The following GCA variants were observed in gnomAD, a reference collection of about 807,000 sequenced individuals.
GCA encodes grancalcin, EF-hand calcium-binding protein.
GCA carries 30 observed loss-of-function variants against 32.6 expected under a neutral mutation model. The ratio of observed to expected loss-of-function variants is 0.92; its 90% CI spans 0.69 to 1.25. The LOEUF is 1.25. Ranked by LOEUF, GCA falls within the 50% of genes most tolerant of loss-of-function variation. The pLI is 0.00. For synonymous variants in GCA, 102 were observed against 84.6 expected, an observed-to-expected ratio of 1.21 and a Z score of -1.13; for missense variants, 291 against 266.8, an observed-to-expected ratio of 1.09 and a Z score of -0.63.
chr2:162,356,875 C>A lies in GCA; in HGVS notation c.424C>A (p.His142Asn). 1 of 1,609,548 alleles carries A rather than the reference C, an allele frequency of 6.2e-7. No individual in the cohort carries two copies. The highest frequency in any genetic ancestry group is 1.3e-5 in the African/African-American group (1 of 74,900). The change falls in exon 5 of 8, where the codon CAT (histidine) becomes AAT (asparagine). Residue 142 changes from histidine to asparagine, a missense_variant. His to Asn is a moderately conservative substitution (Grantham distance 68). Transcript: ENST00000437150. ...DQDGSGTVEH[H>N]ELRQAIGLMG... The stretch of plus-strand genomic sequence containing the variant: ...AGATGGAAGTGGCACAGTAGAACAT[C>A]ATGAGTTGCGTCAAGCCATTGGTCT...
At position 162,369,214 on chromosome 2, in the gene GCA, G is replaced by A. The variant is rs572650732; in HGVS notation, c.366-2092G>A. 2.0e-5 allele frequency among the ~76,000 whole-genome samples: 3 copies of A among 152,112 alleles called. No individual in the cohort carries two copies. The South Asian group carries it at 6.2e-4, about 32-fold the overall frequency. ...AACAGGGGGGATGATGGTACATTTAGGCATTAGATCTTTGGCTGGGGAAAG... is the reference window on the plus strand; with the variant it reads ...AACAGGGGGGATGATGGTACATTTAAGCATTAGATCTTTGGCTGGGGAAAG... On this transcript the variant is annotated intron_variant, in intron 4 of 4. Transcript: ENST00000414723.
intron 3 of GCA, among the ~76,000 whole-genome samples, chr2:162,355,936 G>A (rs1685245755): frequency 6.6e-6 from 1 of 151,908 alleles, no homozygotes; most frequent in Non-Finnish European, 1.5e-5. Flanking sequence ...AAACACTTCA[G>A]TGGCTTTTCA....
rs1363263154 is a variant in GCA at position 162,347,649 on chromosome 2, ACTC to A, written c.103_105del (p.Leu35del). On this transcript the variant is annotated inframe_deletion, in exon 2 of 8. Coordinates refer to ENST00000437150, the MANE Select transcript of GCA (RefSeq NM_012198.5). ...CAGTGCCAGAAACAGGCCCAGCTAT[ACTC>A]CTCGATGGATACTCTGGGCCAGCAT... is the stretch of plus-strand genomic sequence containing the variant. 7 of 1,610,414 alleles carry A rather than the reference ACTC, an allele frequency of 4.3e-6. No homozygotes were observed. In the African/African-American group the frequency reaches 9.4e-5, roughly 22 times the overall value.
chr2:162,341,870 T>C (rs1684465081), upstream of GCA, among the ~76,000 whole-genome samples: 1 of 152,198 alleles, frequency 6.6e-6, no homozygotes, highest in Non-Finnish European at 1.5e-5. Flanking sequence ...ACCTTACTTT[T>C]CACATTTGTA....
downstream of GCA, chr2:162,373,750 A>G (rs1686053006): frequency 1.2e-6 from 1 of 830,478 alleles, no homozygotes; most frequent in Non-Finnish European, 1.7e-6. Context: ...CTACCAAGAA[A>G]CAGAATTATG....
At chr2:162,372,988 T>A (rs538734146), downstream of GCA, among the ~76,000 whole-genome samples, 1 of 152,270 alleles carries the variant, frequency 6.6e-6, no homozygotes, top group East Asian at 1.9e-4. Context: ...CTGATGGCAT[T>A]TGAACCTCAG....
chr2:162,342,362 A>G (rs2105297278), upstream of GCA, among the ~76,000 whole-genome samples: 1 of 152,344 alleles, frequency 6.6e-6, no homozygotes, highest in Non-Finnish European at 1.5e-5. Context: ...GGAAGTTGGC[A>G]GAATGTGTGA....
intron 5 of GCA, 53 bp from the exon 6 acceptor site, chr2:162,358,991 G>C (rs945395706): frequency 8.8e-6 from 7 of 797,414 alleles, no homozygotes; most frequent in African/African-American, 1.8e-5. Context: ...AAGCAATCTT[G>C]CAGTGTTCTT....
chr2:162,360,900 C>G lies in GCA; in HGVS notation c.*657C>G. 1 of 1,142,112 alleles carries G rather than the reference C, an allele frequency of 8.8e-7. No individual in the cohort carries two copies. Among genetic ancestry groups the G allele is most frequent in the Non-Finnish European group, 1.1e-6 (1 of 918,690 alleles). The allele number at this position is 1,142,112 out of a possible 1,614,324, so 70.7% of individuals were successfully genotyped here. On this transcript the variant is annotated 3_prime_UTR_variant, in exon 8 of 8. Transcript: ENST00000437150. The stretch of plus-strand genomic sequence containing the variant: ...AATATGTTTTATTGTCTTCTCTAAG[C>G]AAAAAGTTCTTAATAAACATAGTAT...
intron 1 of GCA, 71 bp from the exon 2 acceptor site, chr2:162,347,507 C>A: frequency 1.0e-6 from 1 of 962,216 alleles, no homozygotes; most frequent in Non-Finnish European, 1.5e-6. Context: ...CTAATAATTT[C>A]TTTTAATCCA....
chr2:162,329,971 A>G (rs1269790548), intron 1 of GCA, among the ~76,000 whole-genome samples: 2 of 152,158 alleles, frequency 1.3e-5, no homozygotes, highest in African/African-American at 4.8e-5. Context: ...AATGGCCTCT[A>G]GCTCCATCCA....
At chr2:162,372,199 A>G (rs1685975413), downstream of GCA, 2 of 941,284 alleles carry the variant, frequency 2.1e-6, no homozygotes, top group Non-Finnish European at 3.1e-6. Context: ...TCATTAATCT[A>G]TATTTGATTA....
In GCA at chr2:162,344,155, C is replaced by T. The variant is rs1182255299; in HGVS notation, c.-94C>T. On this transcript the variant is annotated 5_prime_UTR_variant, in exon 1 of 8. Coordinates refer to ENST00000437150, the MANE Select transcript of GCA (RefSeq NM_012198.5). ...TTAGTGCGCCTTTCAGCCTCACCTG[C>T]AGCTGCGCCTCCTTGCACCTGCGCC... 2.9e-6 allele frequency: 4 copies of T among 1,357,470 alleles called. No homozygotes were observed. The highest frequency in any genetic ancestry group is 1.7e-5 in the Admixed American group (1 of 58,248). The allele number at this position is 1,357,470 out of a possible 1,614,324, so 84.1% of individuals were successfully genotyped here. A position where few individuals can be genotyped will look rare whatever the true frequency, so the allele number is the denominator to read the frequency against.
rs1685048926 is a variant in GCA at position 162,352,413 on chromosome 2, A to G, written c.262+6A>G. 1 of 1,508,350 alleles carries G rather than the reference A, an allele frequency of 6.6e-7. No homozygotes were observed. 93.4% of individuals were successfully genotyped at this position (1,508,350 alleles called of 1,614,324 possible). ...AATTAATGGAACTTACTCTCGTGAGATCTTTTTTCCCCTTTTGTTGAAATT... is the reference window on the plus strand; with the variant it reads ...AATTAATGGAACTTACTCTCGTGAGGTCTTTTTTCCCCTTTTGTTGAAATT... On this transcript the variant is annotated splice_donor_region_variant and intron_variant, in intron 3 of 7. Transcript: ENST00000437150.
Position 162,359,741 on chromosome 2 carries a change from G to A in GCA, c.627+189G>A, listed in dbSNP as rs137897070. 5.0e-4 allele frequency among the ~76,000 whole-genome samples: 75 copies of A among 150,928 alleles called. No individual in the cohort carries two copies. The East Asian group carries it at 0.012, about 24-fold the overall frequency. ...TAGGTGCCAAACAATTTGACTTCAT[G>A]TTAAATTGTAAATATGCTTTTCAAT... On this transcript the variant is annotated intron_variant, in intron 7 of 7. Transcript: ENST00000437150.
chr2:162,345,131 G>GGTGGTGGTGGTGGTGGTT lies in GCA; in HGVS notation c.27+861_27+862insGGTGGTGGTGGTTGTGGT, dbSNP rs146219747. ...TGGTGGTGGTGGTGGTGGTGGTGGT[G>GGTGGTGGTGGTGGTGGTT]GTGGTTGTGGTTGTGGTTGTTGTTG... On this transcript the variant is annotated intron_variant, in intron 1 of 7. Transcript: ENST00000437150. Among the ~76,000 whole-genome samples the GGTGGTGGTGGTGGTGGTT allele has an allele frequency of 5.3e-3, 758 of 144,060 alleles. 3 individuals are homozygous for GGTGGTGGTGGTGGTGGTT. The highest frequency in any genetic ancestry group is 0.01 in the Middle Eastern group (3 of 288). The allele number at this position is 144,060 out of a possible 152,430, so 94.5% of individuals were successfully genotyped here.
rs532034638 is a variant in GCA, at chr2:162,324,330, G to C, written c.-31+5105G>C. Among the ~76,000 whole-genome samples the C allele has an allele frequency of 9.3e-4, 141 of 152,252 alleles. 1 individual carries two copies. Among genetic ancestry groups the C allele is most frequent in the African/African-American group, 3.0e-3 (123 of 41,542 alleles). ...GCAAGCTTTATATTGAGTGGAGGTA[G>C]CTCAGGGGAAGTCAGAAGGGGATGG... On this transcript the variant is annotated intron_variant, in intron 1 of 4. Transcript: ENST00000429691.
intron 1 of GCA, among the ~76,000 whole-genome samples, chr2:162,331,078 C>T (rs1221081009): frequency 2.0e-5 from 3 of 152,268 alleles, no homozygotes; most frequent in Non-Finnish European, 2.9e-5. Context: ...GAGTATTAGA[C>T]CGCACTTCAG....
intron 1 of GCA, among the ~76,000 whole-genome samples, chr2:162,347,311 G>T (rs1684758315): frequency 6.6e-6 from 1 of 151,986 alleles, no homozygotes; most frequent in South Asian, 2.1e-4. Context: ...AATTGTACAT[G>T]TTCCTCTTAG....
Sources: allele counts gnomAD v4.1 joint callset (sites outside exome capture counted in the v4.1 genomes callset), GRCh38; gene constraint gnomAD v4.1.1; transcripts MANE v1.5; gene names NCBI Gene and HGNC (gene_info 2026-07-23, HGNC 2026-07-21).